RBFOX3: variants seen among roughly 807,000 people sequenced by gnomAD.
RBFOX3 encodes RNA binding protein fox-1 homolog 3.
RBFOX3 carries 17 observed loss-of-function variants against 48.7 expected under a neutral mutation model. That is an observed-to-expected ratio of 0.35 (90% CI 0.24 to 0.52). The LOEUF (loss-of-function observed/expected upper bound fraction) is 0.52. Ranked by LOEUF, RBFOX3 falls within the 20% of genes least tolerant of loss-of-function variation. The pLI is 0.94. For missense variants in RBFOX3, 382 were observed against 497.5 expected (o/e 0.77, Z 2.21); for synonymous variants, 212 against 209.5 (o/e 1.01, Z -0.10).
intron 9 of RBFOX3, 93 bp from the exon 10 acceptor site, chr17:79,097,838 C>G: frequency 7.4e-7 from 1 of 1,355,308 alleles, no homozygotes; most frequent in Non-Finnish European, 1.0e-6. Context: ...ACCGGTGGAG[C>G]CCTTGGGAAC....
intron 11 of RBFOX3, 78 bp from the exon 12 acceptor site, chr17:79,096,911 C>A: frequency 1.6e-6 from 1 of 611,636 alleles, no homozygotes; most frequent in African/African-American, 1.9e-5. Flanking sequence ...CCATAGCCCA[C>A]CCGACCCCAG....
intron 3 of RBFOX3, among the ~76,000 whole-genome samples, chr17:79,304,662 C>T (rs947511928): frequency 1.3e-5 from 2 of 152,120 alleles, no homozygotes; most frequent in African/African-American, 4.8e-5. Context: ...ACTGACCTGA[C>T]TTTAATTGAA....
In RBFOX3 at chr17:79,104,200, G is replaced by A. The variant is rs1042314166; in HGVS notation, c.361-74C>T. On this transcript the variant is annotated intron_variant, in intron 6 of 14. Coordinates refer to ENST00000693108, the MANE Select transcript of RBFOX3 (RefSeq NM_001350451.2). ...GTTAAGACTGCTGGCCCAGCTGCCC[G>A]CTCCACTCCTGAGACGCTCATGCCT... The A allele has an allele frequency of 1.7e-5, 22 of 1,275,264 alleles. 1 individual carries two copies. The highest frequency in any genetic ancestry group is 7.6e-5 in the East Asian group (3 of 39,614). The allele number at this position is 1,275,264 out of a possible 1,614,324, so 79.0% of individuals were successfully genotyped here.
At chr17:79,413,060 T>A (rs1050788887) in intron 2 of RBFOX3, among the ~76,000 whole-genome samples, 7 of 152,144 alleles carry the variant, frequency 4.6e-5, no homozygotes, top group African/African-American at 1.4e-4. Flanking sequence ...AATTGGGCAT[T>A]TTCCCAAAAG....
At position 79,311,377 on chromosome 17, in the gene RBFOX3, G is replaced by A. The variant is rs1241747206; in HGVS notation, c.-174-3553C>T. Among the ~76,000 whole-genome samples, 1 of 148,060 alleles carries A rather than the reference G, an allele frequency of 6.8e-6. No homozygotes were observed. The highest frequency in any genetic ancestry group is 2.5e-5 in the African/African-American group (1 of 40,510). ...GAACCTGGGAGGCAGAGGTTGCAGTGAGCCAAGATCACACCATTGCACTCC... is the reference window on the plus strand; with the variant it reads ...GAACCTGGGAGGCAGAGGTTGCAGTAAGCCAAGATCACACCATTGCACTCC... On this transcript the variant is annotated intron_variant, in intron 2 of 14. Transcript: ENST00000693108. This position sits in a 1 kb window ranked among gnomAD's most constrained non-coding sequence, Gnocchi z 4.2.
At chr17:79,241,273 C>T (rs545481087) in intron 3 of RBFOX3, among the ~76,000 whole-genome samples, 1 of 152,006 alleles carries the variant, frequency 6.6e-6, no homozygotes, top group East Asian at 1.9e-4. Context: ...TTCGGCCTTC[C>T]AATGTGCTGG....
intron 2 of RBFOX3, among the ~76,000 whole-genome samples, chr17:79,478,910 C>A (rs1373271073): frequency 6.6e-6 from 1 of 152,178 alleles, no homozygotes; most frequent in Non-Finnish European, 1.5e-5. Flanking sequence ...ATTGACAGGA[C>A]CCTTTCCGAG....
chr17:79,578,776 A>T (rs954289189), intron 1 of RBFOX3, among the ~76,000 whole-genome samples: 1 of 152,232 alleles, frequency 6.6e-6, no homozygotes, highest in Non-Finnish European at 1.5e-5. Flanking sequence ...TAGCTGGTGT[A>T]GGGTTTGCTT....
the RBFOX3 span, among the ~76,000 whole-genome samples, chr17:79,659,971 G>A: frequency 1.3e-5 from 2 of 152,160 alleles, no homozygotes; most frequent in African/African-American, 2.4e-5. Context: ...CAGATCATGT[G>A]AGGTCAGGAG....
chr17:79,294,684 T>A (rs1013918982), intron 3 of RBFOX3, among the ~76,000 whole-genome samples: 1 of 152,000 alleles, frequency 6.6e-6, no homozygotes, highest in Admixed American at 6.6e-5. Context: ...GACCTGCGGG[T>A]GGGAGACGCT....
At chr17:79,128,752 G>A (rs1373401314) in intron 4 of RBFOX3, among the ~76,000 whole-genome samples, 1 of 152,210 alleles carries the variant, frequency 6.6e-6, no homozygotes, top group Non-Finnish European at 1.5e-5. Context: ...AGGACGGGCA[G>A]CTCAGGAGAC....
chr17:79,282,657 G>A (rs2070840206), intron 3 of RBFOX3, among the ~76,000 whole-genome samples: 1 of 152,258 alleles, frequency 6.6e-6, no homozygotes, highest in African/African-American at 2.4e-5. Flanking sequence ...GCCCATAAGA[G>A]GCACTGTGCA....
the RBFOX3 span, among the ~76,000 whole-genome samples, chr17:79,647,789 C>T: frequency 3.3e-5 from 5 of 152,196 alleles, no homozygotes; most frequent in Non-Finnish European, 7.4e-5. Context: ...ACCCCACTCT[C>T]CAATGGCCCG....
At chr17:79,351,741 T>G (rs1257109031) in intron 2 of RBFOX3, among the ~76,000 whole-genome samples, 3 of 152,226 alleles carry the variant, frequency 2.0e-5, no homozygotes, top group Non-Finnish European at 4.4e-5. Flanking sequence ...TAAACTCTCA[T>G]CTGAGATATG....
At chr17:79,349,595 C>T (rs1265823283) in intron 2 of RBFOX3, among the ~76,000 whole-genome samples, 3 of 152,088 alleles carry the variant, frequency 2.0e-5, no homozygotes, top group Non-Finnish European at 2.9e-5. Flanking sequence ...TTCATGTTTC[C>T]ACTGGTTTGT....
chr17:79,154,203 T>C (rs1015880019), intron 4 of RBFOX3, among the ~76,000 whole-genome samples: 2 of 144,130 alleles, frequency 1.4e-5, no homozygotes, highest in Non-Finnish European at 3.0e-5. Context: ...CTAAGCTCCA[T>C]GGCCTCAGGG....
At chr17:79,445,790 A>T (rs1257631424) in intron 2 of RBFOX3, among the ~76,000 whole-genome samples, 1 of 152,200 alleles carries the variant, frequency 6.6e-6, no homozygotes, top group Non-Finnish European at 1.5e-5. Context: ...CTTCTGATTC[A>T]GCCGGGGTTT....
the RBFOX3 span, among the ~76,000 whole-genome samples, chr17:79,646,164 T>C: frequency 6.6e-6 from 1 of 152,078 alleles, no homozygotes; most frequent in Non-Finnish European, 1.5e-5. Flanking sequence ...GTGCCCAAAA[T>C]GTACAATTGA....
intron 11 of RBFOX3, 39 bp from the exon 12 acceptor site, chr17:79,096,872 C>G: frequency 1.6e-6 from 1 of 635,660 alleles, no homozygotes; most frequent in Non-Finnish European, 2.8e-6. Context: ...CCTTGCTGAT[C>G]AGCAACTTTC....
Sources: gnomAD v4.1 joint callset for allele counts (sites outside exome capture counted in the v4.1 genomes callset) on GRCh38, gnomAD v4.1.1 for gene constraint, Gnocchi (gnomAD v3.1) non-coding constraint, MANE v1.5 for transcripts, NCBI Gene and HGNC (gene_info 2026-07-23, HGNC 2026-07-21) for gene names.